SYNGR1: variants seen among roughly 807,000 people sequenced by gnomAD.
SYNGR1 encodes the protein synaptogyrin-1.
In SYNGR1, 14 loss-of-function variants were observed where a neutral mutation model predicts 26.1. That is an observed-to-expected ratio of 0.54 (90% CI 0.35 to 0.84). SYNGR1 has a LOEUF of 0.84. Ranked by LOEUF, SYNGR1 falls within the 40% of genes least tolerant of loss-of-function variation. SYNGR1 has a pLI of 0.01. For missense variants in SYNGR1, 319 were observed against 332.9 expected (o/e 0.96, Z 0.33); for synonymous variants, 141 against 150.1 (o/e 0.94, Z 0.44).
chr22:39,373,057 T>C (rs922472281), intron 1 of SYNGR1, among the ~76,000 whole-genome samples: 3 of 151,912 alleles, frequency 2.0e-5, no homozygotes, highest in Non-Finnish European at 2.9e-5. Context: ...GTCAGTGAGA[T>C]AGCATGTGTA....
At chr22:39,377,838 A>T (rs1474241545) in intron 3 of SYNGR1, 2 of 1,516,266 alleles carry the variant, frequency 1.3e-6, no homozygotes, top group Non-Finnish European at 8.8e-7. Flanking sequence ...TTCTCCACTG[A>T]CTCATTCATT....
intron 1 of SYNGR1, among the ~76,000 whole-genome samples, chr22:39,359,920 CT>C: frequency 6.6e-6 from 1 of 152,268 alleles, no homozygotes; most frequent in South Asian, 2.1e-4. Context: ...TCTCCCTCCC[CT>C]GATCCTAGAT....
At chr22:39,356,155 C>T (rs1325318413) in intron 1 of SYNGR1, among the ~76,000 whole-genome samples, 7 of 152,150 alleles carry the variant, frequency 4.6e-5, no homozygotes, top group African/African-American at 1.7e-4. Context: ...CAGCCTCCAC[C>T]TTCCAAATTC....
chr22:39,375,682 C>T (rs5757646), intron 2 of SYNGR1: 36,496 of 576,284 alleles, frequency 0.063, 1,539 homozygotes, highest in Admixed American at 0.14. Flanking sequence ...CCCACGTCAG[C>T]GGTGTGGCTG....
intron 3 of SYNGR1, among the ~76,000 whole-genome samples, chr22:39,380,616 C>CTTTTTTTTTTTT (rs58877789): frequency 1.4e-5 from 1 of 69,978 alleles, no homozygotes; most frequent in African/African-American, 7.2e-5. Context: ...CCAAGCTGGC[C>CTTTTTTTTTTTT]TTTTTTTTTT....
At chr22:39,370,911 G>A (rs1924989752) in intron 1 of SYNGR1, among the ~76,000 whole-genome samples, 1 of 152,162 alleles carries the variant, frequency 6.6e-6, no homozygotes. Flanking sequence ...ATGAACCACC[G>A]CACCTGGCCG....
intron 3 of SYNGR1, chr22:39,378,474 C>T: frequency 1.0e-6 from 1 of 985,076 alleles, no homozygotes; most frequent in Non-Finnish European, 1.2e-6. Context: ...AATCCTTGTT[C>T]CTCCAAAGGA....
chr22:39,373,154 C>T (rs1204462813), intron 1 of SYNGR1, among the ~76,000 whole-genome samples: 3 of 151,644 alleles, frequency 2.0e-5, no homozygotes, highest in Non-Finnish European at 4.4e-5. Context: ...CACACACACA[C>T]ACACACACAC....
chr22:39,353,353 T>C (rs1336713189), intron 1 of SYNGR1, among the ~76,000 whole-genome samples: 2 of 152,086 alleles, frequency 1.3e-5, no homozygotes, highest in African/African-American at 4.8e-5. Context: ...GTCTCTTTTT[T>C]ATTTTTTTAG....
intron 1 of SYNGR1, among the ~76,000 whole-genome samples, chr22:39,364,718 C>T (rs1368021711): frequency 3.9e-5 from 6 of 152,152 alleles, no homozygotes; most frequent in Admixed American, 6.5e-5. Context: ...CACTCTCAGC[C>T]CTCTGTGGTG....
chr22:39,359,979 C>T (rs550090398), intron 1 of SYNGR1, among the ~76,000 whole-genome samples: 208 of 152,284 alleles, frequency 1.4e-3, no homozygotes, highest in Non-Finnish European at 2.4e-3. Flanking sequence ...TGTGCACTGG[C>T]CCTCACCACC....
chr22:39,350,197 ACC>A lies in SYNGR1; in HGVS notation c.99+91_99+92del. ...CGCGCCCGGACCGACCCCGACCCCGACCCCAACGGGCCCCCGGCGGCGGCGCG... is the reference window on the plus strand; with the variant it reads ...CGCGCCCGGACCGACCCCGACCCCGACCAACGGGCCCCCGGCGGCGGCGCG... On this transcript the variant is annotated intron_variant, in intron 1 of 3. Transcript: ENST00000328933. This position sits in a 1 kb window ranked among gnomAD's most constrained non-coding sequence, Gnocchi z 4.3. The A allele has an allele frequency of 2.2e-6, 2 of 915,264 alleles. No homozygotes were observed. Among genetic ancestry groups the A allele is most frequent in the Non-Finnish European group, 2.8e-6 (2 of 715,342 alleles). 56.7% of individuals were successfully genotyped at this position (915,264 alleles called of 1,614,324 possible).
At chr22:39,362,422 G>T (rs923969475) in intron 1 of SYNGR1, among the ~76,000 whole-genome samples, 19 of 151,948 alleles carry the variant, frequency 1.3e-4, no homozygotes, top group Middle Eastern at 6.8e-3. Flanking sequence ...GAGGCGGGGT[G>T]GGGGAGGGGC....
chr22:39,357,093 A>G (rs1924177636), intron 1 of SYNGR1, among the ~76,000 whole-genome samples: 1 of 152,118 alleles, frequency 6.6e-6, no homozygotes, highest in African/African-American at 2.4e-5. Context: ...CCCTGCCTTT[A>G]CTAAAAATAC....
chr22:39,353,353 T>A (rs1336713189), intron 1 of SYNGR1, among the ~76,000 whole-genome samples: 1 of 152,086 alleles, frequency 6.6e-6, no homozygotes, highest in African/African-American at 2.4e-5. Flanking sequence ...GTCTCTTTTT[T>A]ATTTTTTTAG....
chr22:39,355,433 T>G (rs1247536261), intron 1 of SYNGR1, among the ~76,000 whole-genome samples: 1 of 152,254 alleles, frequency 6.6e-6, no homozygotes, highest in Non-Finnish European at 1.5e-5. Context: ...TTCTCACCTC[T>G]TCACCTCCTG....
Position 39,384,824 on chromosome 22 carries a change from C to T in SYNGR1, c.*2910C>T, listed in dbSNP as rs1925606262. On this transcript the variant is annotated 3_prime_UTR_variant, in exon 4 of 4. Transcript: ENST00000328933. ...GTAGAGTCGCAAGGACGCTTAGAGT[C>T]GGCAGAGTCTGGGGTAGGGAGACAG... 1.3e-5 allele frequency: 5 copies of T among 398,942 alleles called. No homozygotes were observed. The highest frequency in any genetic ancestry group is 1.8e-5 in the Non-Finnish European group (4 of 226,088). 24.7% of individuals were successfully genotyped at this position (398,942 alleles called of 1,614,324 possible).
At chr22:39,364,340 T>C (rs777231093) in intron 1 of SYNGR1, 1 of 1,613,662 alleles carries the variant, frequency 6.2e-7, no homozygotes, top group Non-Finnish European at 8.5e-7. Context: ...GCAGGGCCTC[T>C]CTGAGCCTTA....
At chr22:39,360,738 A>G (rs993229320) in intron 1 of SYNGR1, among the ~76,000 whole-genome samples, 2 of 152,052 alleles carry the variant, frequency 1.3e-5, no homozygotes, top group African/African-American at 4.8e-5. Context: ...GTGAGCACAG[A>G]CCCCTAGAGA....
Sources: gnomAD v4.1 joint callset for allele counts (sites outside exome capture counted in the v4.1 genomes callset) on GRCh38, gnomAD v4.1.1 for gene constraint, Gnocchi (gnomAD v3.1) non-coding constraint, MANE v1.5 for transcripts, NCBI Gene and HGNC (gene_info 2026-07-23, HGNC 2026-07-21) for gene names.